Variants in NLGN4X observed in about 807,000 individuals in gnomAD.
NLGN4X encodes the protein neuroligin-4, X-linked.
Under a neutral mutation model 40.3 loss-of-function variants are expected in NLGN4X, and 3 were observed. The observed-to-expected ratio is 0.07, with a 90% CI of 0.03 to 0.19. The LOEUF is 0.19. Ranked by LOEUF, NLGN4X falls within the 10% of genes least tolerant of loss-of-function variation. NLGN4X has a pLI of 1.00. For synonymous variants in NLGN4X, 270 were observed against 306.8 expected (o/e 0.88, Z 1.25); for missense variants, 382 against 708.3 (o/e 0.54, Z 5.23).
At chrX:6,020,350 C>T (rs773331293) in intron 3 of NLGN4X, among the ~76,000 whole-genome samples, 1 of 111,799 alleles carries the variant, frequency 8.9e-6, no homozygotes, top group Non-Finnish European at 1.9e-5. Flanking sequence ...AAGCCAGACA[C>T]AGAAAGACAA....
At chrX:5,897,235 A>G (rs749063820) in intron 5 of NLGN4X, among the ~76,000 whole-genome samples, 5 of 111,808 alleles carry the variant, frequency 4.5e-5, no homozygotes, top group Non-Finnish European at 9.4e-5. Context: ...GTTCTTTGTC[A>G]TACCTTATAA....
At chrX:6,166,076 C>T (rs1208461027) in intron 1 of NLGN4X, among the ~76,000 whole-genome samples, 1 of 111,564 alleles carries the variant, frequency 9.0e-6, no homozygotes, top group Admixed American at 9.6e-5. Context: ...TATTTGCTTC[C>T]ATTACCCGTG....
chrX:5,977,050 G>A (rs1418207507), intron 3 of NLGN4X, among the ~76,000 whole-genome samples: 1 of 112,406 alleles, frequency 8.9e-6, no homozygotes, highest in African/African-American at 3.2e-5. Context: ...ACATACTGGA[G>A]CATTAAATTC....
intron 1 of NLGN4X, among the ~76,000 whole-genome samples, chrX:6,180,262 G>A (rs1000616225): frequency 8.9e-6 from 1 of 111,746 alleles, no homozygotes; most frequent in Non-Finnish European, 1.9e-5. Flanking sequence ...TCCCAGTGAT[G>A]GAGGTGGGGC....
chrX:6,072,125 C>G (rs181005803), intron 2 of NLGN4X, among the ~76,000 whole-genome samples: 2 of 111,103 alleles, frequency 1.8e-5, no homozygotes, highest in East Asian at 5.7e-4. Context: ...ATAGATTTCT[C>G]TGGTGTGTGG....
intron 3 of NLGN4X, among the ~76,000 whole-genome samples, chrX:5,979,131 A>C (rs2035298792): frequency 9.0e-6 from 1 of 111,474 alleles, no homozygotes; most frequent in Non-Finnish European, 1.9e-5. Context: ...GCTTACAGAC[A>C]GGCATTATGA....
rs916534657 is a variant in NLGN4X at position 6,041,750 on chromosome X, A to T, written c.473-12318T>A. Among the ~76,000 whole-genome samples, 3 of 112,681 alleles carry T rather than the reference A, an allele frequency of 2.7e-5. No individual in the cohort carries two copies. The Admixed American group carries it at 2.8e-4, about 11-fold the overall frequency. ...TTCCTTAATTTGCAATGACTACCAA[A>T]ATATTCAGCACATATAATATAAGTT... On this transcript the variant is annotated intron_variant, in intron 2 of 5. Coordinates refer to ENST00000381095, the MANE Select transcript of NLGN4X (RefSeq NM_181332.3).
chrX:5,978,326 T>TTCCTTCCCTTCTTTC (rs2147053122), intron 3 of NLGN4X, among the ~76,000 whole-genome samples: 1 of 29,197 alleles, frequency 3.4e-5, no homozygotes, highest in East Asian at 1.5e-3. Context: ...CTTTCTTTCT[T>TTCCTTCCCTTCTTTC]TCTTTCTTTC....
intron 2 of NLGN4X, among the ~76,000 whole-genome samples, chrX:6,142,863 T>A (rs1045672162): frequency 8.9e-6 from 1 of 111,864 alleles, no homozygotes; most frequent in Non-Finnish European, 1.9e-5. Context: ...TAAAGCAGAA[T>A]GATAATAGTG....
intron 3 of NLGN4X, among the ~76,000 whole-genome samples, chrX:5,970,649 T>G (rs1301879260): frequency 8.9e-6 from 1 of 112,082 alleles, no homozygotes; most frequent in Non-Finnish European, 1.9e-5. Context: ...AATAACATAG[T>G]TATATCTAAT....
At chrX:5,984,309 T>C (rs1414592167) in intron 3 of NLGN4X, among the ~76,000 whole-genome samples, 6 of 109,213 alleles carry the variant, frequency 5.5e-5, no homozygotes, top group African/African-American at 2.0e-4. Context: ...AGAGAATTAA[T>C]GAAATAGATT....
chrX:5,975,612 C>CAAAA (rs60917858), intron 3 of NLGN4X, among the ~76,000 whole-genome samples: 1 of 53,890 alleles, frequency 1.9e-5, no homozygotes, highest in Non-Finnish European at 3.6e-5. Flanking sequence ...GACTCCGTTT[C>CAAAA]AAAAAAAAAA....
intron 2 of NLGN4X, among the ~76,000 whole-genome samples, chrX:6,096,463 T>C (rs1486912260): frequency 3.6e-5 from 4 of 111,702 alleles, no homozygotes; most frequent in Non-Finnish European, 7.5e-5. Flanking sequence ...GATTAACCTT[T>C]AGAATATGCA....
intron 2 of NLGN4X, among the ~76,000 whole-genome samples, chrX:6,105,446 A>G (rs1035879541): frequency 1.2e-4 from 13 of 112,455 alleles, no homozygotes; most frequent in African/African-American, 4.2e-4. Flanking sequence ...AAAAAAGTAC[A>G]TTAGATTAGC....
intron 1 of NLGN4X, among the ~76,000 whole-genome samples, chrX:6,217,858 T>C (rs1233902399): frequency 9.0e-6 from 1 of 111,649 alleles, no homozygotes; most frequent in African/African-American, 3.3e-5. Context: ...TCCTACTGGG[T>C]TACATTTTAG....
chrX:6,157,920 G>A (rs1161959278), intron 1 of NLGN4X, among the ~76,000 whole-genome samples: 2 of 111,439 alleles, frequency 1.8e-5, no homozygotes, highest in Non-Finnish European at 3.8e-5. Flanking sequence ...AGGAGTTCCT[G>A]CCCACTAGGA....
chrX:6,073,247 C>T (rs1290690823), intron 2 of NLGN4X, among the ~76,000 whole-genome samples: 1 of 111,992 alleles, frequency 8.9e-6, no homozygotes, highest in Non-Finnish European at 1.9e-5. Context: ...TATTTTATTT[C>T]CCTTACACTA....
At chrX:5,953,928 GA>G (rs1285458230) in intron 3 of NLGN4X, among the ~76,000 whole-genome samples, 1 of 111,496 alleles carries the variant, frequency 9.0e-6, no homozygotes, top group Non-Finnish European at 1.9e-5. Context: ...GAATTTGAAT[GA>G]AAGTGCAGAA....
intron 2 of NLGN4X, among the ~76,000 whole-genome samples, chrX:6,105,066 C>CT (rs373672981): frequency 0.2 from 21,048 of 103,766 alleles, 1,862 homozygotes; most frequent in Non-Finnish European, 0.26. Context: ...GTATTATCTC[C>CT]TTTTTTTTTT....
Sources: allele counts gnomAD v4.1 joint callset (sites outside exome capture counted in the v4.1 genomes callset), GRCh38; gene constraint gnomAD v4.1.1; transcripts MANE v1.5; gene names NCBI Gene and HGNC (gene_info 2026-07-23, HGNC 2026-07-21).